The following CEP44 variants were observed in gnomAD, a reference collection of about 807,000 sequenced individuals.
The protein encoded by CEP44 is centrosomal protein of 44 kDa.
Under a neutral mutation model 46.7 loss-of-function variants are expected in CEP44, and 45 were observed. That is an observed-to-expected ratio of 0.96 (90% CI 0.76 to 1.24). The LOEUF (loss-of-function observed/expected upper bound fraction) is 1.24. CEP44 is among the 50% of genes most tolerant of loss of function. The pLI is 0.00. For missense variants in CEP44, 475 were observed against 459.7 expected, an observed-to-expected ratio of 1.03 and a Z score of -0.30; for synonymous variants, 142 against 146.0, an observed-to-expected ratio of 0.97 and a Z score of 0.20.
chr4:174,289,533 A>G (rs1737937458), intron 1 of CEP44, among the ~76,000 whole-genome samples: 1 of 151,790 alleles, frequency 6.6e-6, no homozygotes, highest in Non-Finnish European at 1.5e-5. Flanking sequence ...ATTTGATGGC[A>G]TATAATTGTT....
intron 1 of CEP44, among the ~76,000 whole-genome samples, chr4:174,291,782 CTTTTCTTT>C (rs1266240280): frequency 1.2e-5 from 1 of 81,634 alleles, no homozygotes; most frequent in Non-Finnish European, 2.6e-5. Context: ...TTATCTTTTT[CTTTTCTTT>C]TTTTTTTTTT....
chr4:174,333,257 T>C (rs1299630070), exon 9 of CEP44: 1 of 149,190 alleles, frequency 6.7e-6, no homozygotes, highest in Admixed American at 6.8e-5. Flanking sequence ...TGATTCAATT[T>C]TGTGGTCTGG....
chr4:174,290,927 G>A lies in CEP44; in HGVS notation c.-148+6984G>A, dbSNP rs932741003. On this transcript the variant is annotated intron_variant, in intron 1 of 11. Coordinates refer to ENST00000503780, the MANE Select transcript of CEP44 (RefSeq NM_001040157.3). The surrounding 1 kb of genome is among the most constrained non-coding windows in gnomAD (Gnocchi z 4.3). ...TTCTTTGTCTCTTTTGACAGTTGTC[G>A]ACTTAAAGTCTATTTTGTCTGATAT... Among the ~76,000 whole-genome samples, 1 of 151,956 alleles carries A rather than the reference G, an allele frequency of 6.6e-6. No homozygotes were observed. Among genetic ancestry groups the A allele is most frequent in the Non-Finnish European group, 1.5e-5 (1 of 67,976 alleles).
At chr4:174,323,731 A>G (rs559583137), downstream of CEP44, among the ~76,000 whole-genome samples, 1 of 152,252 alleles carries the variant, frequency 6.6e-6, no homozygotes, top group Admixed American at 6.5e-5. Context: ...CCACGTTCGC[A>G]AGATGGTGTC....
intron 1 of CEP44, among the ~76,000 whole-genome samples, chr4:174,292,330 A>G (rs916978291): frequency 2.2e-4 from 34 of 152,208 alleles, no homozygotes; most frequent in African/African-American, 7.9e-4. Flanking sequence ...TATAGTGTCT[A>G]TTGGTACAGA....
rs1455974258 is a variant in CEP44, at chr4:174,297,012, G to T, written c.-147-954G>T. 7.9e-5 allele frequency among the ~76,000 whole-genome samples: 12 copies of T among 151,922 alleles called. No individual in the cohort carries two copies. The highest frequency in any genetic ancestry group is 7.9e-4 in the Admixed American group (12 of 15,254). On this transcript the variant is annotated intron_variant, in intron 1 of 11. Coordinates refer to ENST00000503780, the MANE Select transcript of CEP44 (RefSeq NM_001040157.3). This position sits in a 1 kb window ranked among gnomAD's most constrained non-coding sequence, Gnocchi z 4.3. ...AACTTTCCTTATTATAAAGTCTGCT[G>T]TCTGAGATTATTATAACTGTTCCTG...
At chr4:174,322,650 A>C (rs1355484936), downstream of CEP44, among the ~76,000 whole-genome samples, 1 of 152,162 alleles carries the variant, frequency 6.6e-6, no homozygotes, top group Admixed American at 6.6e-5. Flanking sequence ...TGCTTAGCAC[A>C]ATGCTTGGTA....
intron 1 of CEP44, among the ~76,000 whole-genome samples, chr4:174,292,690 C>A (rs1380446120): frequency 2.6e-5 from 4 of 152,026 alleles, no homozygotes; most frequent in African/African-American, 9.7e-5. Context: ...TCATTGTATC[C>A]TTCAGCTCTA....
At position 174,314,586 on chromosome 4, in the gene CEP44, A is replaced by AGCC. The variant is rs2126655823; in HGVS notation, c.962-1579_962-1577dup. The stretch of plus-strand genomic sequence containing the variant: ...GGACCCCAAAATGGAAGACAAAGAG[A>AGCC]GCCATTCCTTCACCCTTTATCTGTC... On this transcript the variant is annotated intron_variant, in intron 9 of 11. Transcript: ENST00000503780. This position sits in a 1 kb window ranked among gnomAD's most constrained non-coding sequence, Gnocchi z 4.1. Among the ~76,000 whole-genome samples the AGCC allele has an allele frequency of 6.6e-6, 1 of 152,266 alleles. No homozygotes were observed. Among genetic ancestry groups the AGCC allele is most frequent in the Admixed American group, 6.5e-5 (1 of 15,298 alleles).
intron 6 of CEP44, among the ~76,000 whole-genome samples, chr4:174,304,682 C>T (rs887962852): frequency 3.3e-5 from 5 of 152,150 alleles, no homozygotes; most frequent in Non-Finnish European, 5.9e-5. Context: ...TAATTGTGTT[C>T]TGGTCTTCCT....
chr4:174,308,252 T>A (rs898576373), intron 6 of CEP44, among the ~76,000 whole-genome samples: 1 of 152,094 alleles, frequency 6.6e-6, no homozygotes, highest in Non-Finnish European at 1.5e-5. Flanking sequence ...ATAGAGCAGA[T>A]AAAGAAGATG....
rs775753652 is a variant in CEP44, at chr4:174,303,729, A to G, written c.264A>G (p.Lys88=). The change falls in exon 5 of 12, where the codon AAA becomes AAG. Residue 88 remains lysine, a synonymous_variant. Transcript: ENST00000503780. ...TTCTTCGTGATCAATTTAATTATAA[A>G]CCAATTTTGACAAAAAAGCAGTTTA... ...YKLLRDQFNY[K]PILTKKQFIQ... is the part of the protein sequence containing the mutation. 4 of 1,544,100 alleles carry G rather than the reference A, an allele frequency of 2.6e-6. No homozygotes were observed. Among genetic ancestry groups the G allele is most frequent in the Non-Finnish European group, 3.5e-6 (4 of 1,129,116 alleles).
chr4:174,309,461 G>A lies in CEP44; in HGVS notation c.679-389G>A, dbSNP rs1444057145. 1.3e-5 allele frequency among the ~76,000 whole-genome samples: 2 copies of A among 151,920 alleles called. No homozygotes were observed. The highest frequency in any genetic ancestry group is 1.9e-4 in the East Asian group (1 of 5,186). On this transcript the variant is annotated intron_variant, in intron 7 of 11. Coordinates refer to ENST00000503780, the MANE Select transcript of CEP44 (RefSeq NM_001040157.3). This position sits in a 1 kb window ranked among gnomAD's most constrained non-coding sequence, Gnocchi z 5.3. ...CCTACTTCCTGTTATATGGCAAACC[G>A]AACAATCTCAATGCACTAAGTGTTG...
Position 174,326,193 on chromosome 4 carries a change from TC to T in CEP44, c.1087-5288del, listed in dbSNP as rs1742653142. Among the ~76,000 whole-genome samples, 1 of 151,748 alleles carries T rather than the reference TC, an allele frequency of 6.6e-6. No homozygotes were observed. Among genetic ancestry groups the T allele is most frequent in the South Asian group, 2.1e-4 (1 of 4,826 alleles). ...TATTTTTTAATGTTTTTTATTTTTT[TC>T]TTGGCTTATGAAGTATCCTGTGTGT... On this transcript the variant is annotated intron_variant, in intron 8 of 8. Transcript: ENST00000426172. The surrounding 1 kb of genome is among the most constrained non-coding windows in gnomAD (Gnocchi z 4.8).
Position 174,312,219 on chromosome 4 carries a change from A to G in CEP44, c.961+1361A>G, listed in dbSNP as rs1339246111. On this transcript the variant is annotated intron_variant, in intron 9 of 11. Transcript: ENST00000503780. The surrounding 1 kb of genome is among the most constrained non-coding windows in gnomAD (Gnocchi z 4.5). Reference sequence around the variant, plus strand: ...CTCAGGCTTATTTTTTTTTAATGACATGATTATAGAATATACCTTTAACCT... The same window carrying G: ...CTCAGGCTTATTTTTTTTTAATGACGTGATTATAGAATATACCTTTAACCT... Among the ~76,000 whole-genome samples, 1 of 151,874 alleles carries G rather than the reference A, an allele frequency of 6.6e-6. No homozygotes were observed. The highest frequency in any genetic ancestry group is 1.9e-4 in the East Asian group (1 of 5,174).
At chr4:174,325,138 T>G (rs915672402), downstream of CEP44, among the ~76,000 whole-genome samples, 1 of 152,164 alleles carries the variant, frequency 6.6e-6, no homozygotes, top group Non-Finnish European at 1.5e-5. This position sits in a 1 kb window ranked among gnomAD's most constrained non-coding sequence, Gnocchi z 4.4. Context: ...AGTATTTATT[T>G]GCCATTAGTA....
In CEP44 at chr4:174,309,942, G is replaced by A. The variant is rs374542523; in HGVS notation, c.771G>A (p.Arg257=). The A allele has an allele frequency of 5.0e-6, 8 of 1,612,772 alleles. No individual in the cohort carries two copies. The highest frequency in any genetic ancestry group is 5.1e-6 in the Non-Finnish European group (6 of 1,179,192). Residue 257 remains arginine, a synonymous_variant, in exon 8 of 12, where the codon AGG becomes AGA. Transcript: ENST00000503780. The surrounding 1 kb of genome is among the most constrained non-coding windows in gnomAD (Gnocchi z 5.3). ...NLKKLTSIEK[R]LDCLEQKMKG... ...AGAAACTGACTTCGATAGAGAAAAGGTTAGACTGTTTGGAACAAAAAATGA... is the reference window on the plus strand; with the variant it reads ...AGAAACTGACTTCGATAGAGAAAAGATTAGACTGTTTGGAACAAAAAATGA...
Position 174,331,524 on chromosome 4 carries a change from A to G in CEP44, c.1129A>G (p.Ser377Gly). ...TGCTACATCCTCTTGTTCCAGTCTC[A>G]GCTGGCTGCTCCGTGGGCATACTTC... The change falls in exon 9 of 9, where the codon AGC becomes GGC. Residue 377 changes from serine (S) to glycine (G), a missense_variant. Coordinates refer to the CEP44 transcript ENST00000426172. The surrounding 1 kb of genome is among the most constrained non-coding windows in gnomAD (Gnocchi z 4.5). The G allele has an allele frequency of 6.4e-7, 1 of 1,551,576 alleles. No individual in the cohort carries two copies. Among genetic ancestry groups the G allele is most frequent in the Non-Finnish European group, 8.7e-7 (1 of 1,146,926 alleles).
intron 5 of CEP44, 90 bp from the exon 6 acceptor site, chr4:174,304,157 T>A: frequency 2.9e-6 from 4 of 1,370,178 alleles, no homozygotes; most frequent in Non-Finnish European, 2.9e-6. Context: ...CTATATTTCA[T>A]ATATGAAAAT....
Sources: gnomAD v4.1 joint callset for allele counts (sites outside exome capture counted in the v4.1 genomes callset) on GRCh38, gnomAD v4.1.1 for gene constraint, Gnocchi (gnomAD v3.1) non-coding constraint, MANE v1.5 for transcripts, NCBI Gene and HGNC (gene_info 2026-07-23, HGNC 2026-07-21) for gene names.